Variants in PPP1R9A observed in about 807,000 individuals in gnomAD.
PPP1R9A encodes neurabin-1.
In PPP1R9A, 59 loss-of-function variants were observed where a neutral mutation model predicts 141.9. That is an observed-to-expected ratio of 0.42 (90% CI 0.34 to 0.52). PPP1R9A has a LOEUF of 0.52. Among genes scored for constraint, PPP1R9A ranks in the 20% least tolerant of loss-of-function variants. The pLI, the probability that PPP1R9A is intolerant of heterozygous loss-of-function variation, is 0.10. For synonymous variants in PPP1R9A, 500 were observed against 569.7 expected (o/e 0.88, Z 1.74); for missense variants, 1,444 against 1,611.9 (o/e 0.90, Z 1.78).
intron 5 of PPP1R9A, among the ~76,000 whole-genome samples, chr7:95,192,331 C>T (rs1050105936): frequency 2.6e-5 from 4 of 151,704 alleles, no homozygotes; most frequent in Non-Finnish European, 4.4e-5. Flanking sequence ...TTCACCATGG[C>T]CTCAGCACTA....
At chr7:95,072,821 T>C (rs1397282778) in intron 2 of PPP1R9A, among the ~76,000 whole-genome samples, 2 of 61,134 alleles carry the variant, frequency 3.3e-5, no homozygotes, top group Non-Finnish European at 5.7e-5. Context: ...ATATAATAAT[T>C]ATTATATATA....
chr7:95,129,988 G>T (rs1194529054), intron 4 of PPP1R9A, among the ~76,000 whole-genome samples: 1 of 152,174 alleles, frequency 6.6e-6, no homozygotes, highest in African/African-American at 2.4e-5. Flanking sequence ...GCCTGACAAT[G>T]AGATAGAAAA....
intron 2 of PPP1R9A, among the ~76,000 whole-genome samples, chr7:94,959,837 C>A (rs111312832): frequency 3.3e-5 from 5 of 151,642 alleles, no homozygotes; most frequent in African/African-American, 1.2e-4. Flanking sequence ...ATTTGATTCT[C>A]CTAAATATTT....
chr7:95,071,018 T>C (rs1813746240), intron 2 of PPP1R9A, among the ~76,000 whole-genome samples: 2 of 151,956 alleles, frequency 1.3e-5, no homozygotes, highest in South Asian at 4.1e-4. Flanking sequence ...CAGGGACATT[T>C]ATTTATGATT....
At chr7:95,165,468 C>G (rs1310895780) in intron 5 of PPP1R9A, among the ~76,000 whole-genome samples, 3 of 152,198 alleles carry the variant, frequency 2.0e-5, no homozygotes, top group Non-Finnish European at 2.9e-5. Context: ...GATCTTCCAG[C>G]CTTACTAAAG....
Position 94,910,619 on chromosome 7 carries a change from G to A in PPP1R9A, c.506G>A (p.Ser169Asn). 1 of 1,614,186 alleles carries A rather than the reference G, an allele frequency of 6.2e-7. No homozygotes were observed. Among genetic ancestry groups the A allele is most frequent in the Non-Finnish European group, 8.5e-7 (1 of 1,180,026 alleles). The change falls in exon 2 of 20, where the codon AGT becomes AAT. Residue 169 changes from serine to asparagine, a missense_variant. By Grantham distance (46) the Ser-to-Asn change is conservative. Transcript: ENST00000433360. This position sits in a 1 kb window ranked among gnomAD's most constrained non-coding sequence, Gnocchi z 4.5. The stretch of plus-strand genomic sequence containing the variant: ...CCAAAGAAAGAGAAAGCTGGAGGGA[G>A]TGAACCTCAGGATGAATGGGGAGGT... ...YSPKKEKAGG[S>N]EPQDEWGGSK...
intron 5 of PPP1R9A, among the ~76,000 whole-genome samples, chr7:95,171,369 A>G (rs1563351969): frequency 6.6e-6 from 1 of 151,648 alleles, no homozygotes; most frequent in African/African-American, 2.4e-5. Flanking sequence ...AGCATTAATC[A>G]AAAGAGCACT....
intron 8 of PPP1R9A, among the ~76,000 whole-genome samples, chr7:95,234,102 T>A (rs915300815): frequency 3.3e-5 from 5 of 152,046 alleles, no homozygotes; most frequent in African/African-American, 7.2e-5. Context: ...TTGAAAGCAT[T>A]CCCCGTGAAA....
rs181170599 is a variant in PPP1R9A, at chr7:94,983,013, A to G, written c.1395+71505A>G. Among the ~76,000 whole-genome samples the G allele has an allele frequency of 3.1e-4, 47 of 152,260 alleles. No homozygotes were observed. In the East Asian group the frequency reaches 8.9e-3, roughly 29 times the overall value. On this transcript the variant is annotated intron_variant, in intron 2 of 19. Transcript: ENST00000433360. ...TTTTTGTATAAGGTATAAGGAAAGG[A>G]TCCAGTTTCAGCTTTCTACATATGG...
chr7:94,980,469 A>G (rs1398651057), intron 2 of PPP1R9A, among the ~76,000 whole-genome samples: 1 of 152,132 alleles, frequency 6.6e-6, no homozygotes, highest in South Asian at 2.1e-4. Context: ...TAAAATATTC[A>G]GTTTTTGAGA....
At chr7:95,146,797 A>T (rs1445494915) in intron 4 of PPP1R9A, among the ~76,000 whole-genome samples, 1 of 152,218 alleles carries the variant, frequency 6.6e-6, no homozygotes, top group African/African-American at 2.4e-5. Context: ...GTCAAAGATC[A>T]GATGGTTGTA....
chr7:95,247,601 T>A, intron 9 of PPP1R9A, 75 bp downstream of exon 9: 2 of 1,227,616 alleles, frequency 1.6e-6, no homozygotes, highest in Non-Finnish European at 1.2e-6. Context: ...ATCCTAGGAC[T>A]AAAGGTTTTG....
chr7:95,134,454 T>C (rs1441853454), intron 4 of PPP1R9A, among the ~76,000 whole-genome samples: 1 of 152,150 alleles, frequency 6.6e-6, no homozygotes. Context: ...CTGCACATTC[T>C]GCACATGTAT....
chr7:95,168,117 G>A (rs918591017), intron 5 of PPP1R9A, among the ~76,000 whole-genome samples: 1 of 152,060 alleles, frequency 6.6e-6, no homozygotes, highest in Non-Finnish European at 1.5e-5. Context: ...AAAGTTGGAG[G>A]CATCACATTA....
chr7:95,272,179 C>T (rs1226133304), intron 14 of PPP1R9A, among the ~76,000 whole-genome samples: 3 of 152,150 alleles, frequency 2.0e-5, no homozygotes, highest in Admixed American at 6.5e-5. Context: ...GTCTTCTCAG[C>T]GCTCATTGTA....
intron 2 of PPP1R9A, among the ~76,000 whole-genome samples, chr7:95,027,077 T>A (rs1016198425): frequency 6.6e-6 from 1 of 152,100 alleles, no homozygotes; most frequent in East Asian, 1.9e-4. Context: ...TCAGCCCCCT[T>A]TCCAAGGGAG....
At chr7:94,947,100 T>C (rs1285360565) in intron 2 of PPP1R9A, among the ~76,000 whole-genome samples, 1 of 152,208 alleles carries the variant, frequency 6.6e-6, no homozygotes, top group African/African-American at 2.4e-5. Context: ...ATATGGTTGT[T>C]ACTTTTAAGT....
chr7:95,160,109 T>A (rs1182009472), intron 4 of PPP1R9A, among the ~76,000 whole-genome samples: 1 of 151,758 alleles, frequency 6.6e-6, no homozygotes, highest in East Asian at 1.9e-4. Context: ...TATATAGAAA[T>A]GTAAAAGTAT....
intron 7 of PPP1R9A, among the ~76,000 whole-genome samples, chr7:95,217,503 T>A (rs1793655155): frequency 6.6e-6 from 1 of 152,264 alleles, no homozygotes; most frequent in Admixed American, 6.5e-5. Flanking sequence ...TTAGGGAGGA[T>A]TCCCTCTTTT....
Sources: allele counts gnomAD v4.1 joint callset (sites outside exome capture counted in the v4.1 genomes callset), GRCh38; gene constraint gnomAD v4.1.1; non-coding constraint Gnocchi (gnomAD v3.1); transcripts MANE v1.5; gene names NCBI Gene and HGNC (gene_info 2026-07-23, HGNC 2026-07-21).